LRRC7: variants seen among roughly 807,000 people sequenced by gnomAD.
LRRC7 encodes the protein leucine rich repeat containing 7.
In LRRC7, 23 loss-of-function variants were observed where a neutral mutation model predicts 175.7. The ratio of observed to expected loss-of-function variants is 0.13; its 90% CI spans 0.09 to 0.19. The LOEUF (loss-of-function observed/expected upper bound fraction) is 0.19. LRRC7 is among the 10% of genes least tolerant of loss of function. The pLI is 1.00. For synonymous variants in LRRC7, 685 were observed against 680.9 expected (o/e 1.01, Z -0.09); for missense variants, 1,354 against 1,904.7 (o/e 0.71, Z 5.38).
At chr1:69,733,904 C>A (rs1422298764) in intron 2 of LRRC7, among the ~76,000 whole-genome samples, 1 of 152,036 alleles carries the variant, frequency 6.6e-6, no homozygotes, top group East Asian at 1.9e-4. Context: ...CACCCACCAA[C>A]CAACTCAGCT....
intron 1 of LRRC7, among the ~76,000 whole-genome samples, chr1:69,615,522 A>T (rs531063131): frequency 6.6e-6 from 1 of 152,214 alleles, no homozygotes; most frequent in South Asian, 2.1e-4. Context: ...CAATGCCAAC[A>T]GCTTTCTACT....
At chr1:69,957,244 T>C (rs989525615) in intron 8 of LRRC7, among the ~76,000 whole-genome samples, 3 of 151,890 alleles carry the variant, frequency 2.0e-5, no homozygotes, top group Admixed American at 2.0e-4. Context: ...ATTTTTATTA[T>C]GACTTGGTTC....
intron 8 of LRRC7, among the ~76,000 whole-genome samples, chr1:69,952,416 T>C (rs116212131): frequency 0.012 from 1,901 of 152,180 alleles, 36 homozygotes; most frequent in African/African-American, 0.043. Flanking sequence ...GTTCTAACAA[T>C]TCTCTTCCAC....
intron 1 of LRRC7, among the ~76,000 whole-genome samples, chr1:69,665,653 T>A (rs1044998699): frequency 7.9e-5 from 12 of 152,088 alleles, no homozygotes; most frequent in African/African-American, 2.7e-4. Context: ...AGGATACTAC[T>A]GATTTTGTAT....
At chr1:69,902,969 T>C (rs979992679) in intron 7 of LRRC7, among the ~76,000 whole-genome samples, 4 of 152,240 alleles carry the variant, frequency 2.6e-5, no homozygotes, top group Non-Finnish European at 4.4e-5. Context: ...TTACCCATTG[T>C]TATTTTTATT....
chr1:70,062,406 A>G lies in LRRC7; in HGVS notation c.4230+9261A>G, dbSNP rs974063846. Among the ~76,000 whole-genome samples, 8 of 152,156 alleles carry G rather than the reference A, an allele frequency of 5.3e-5. No homozygotes were observed. In the East Asian group the frequency reaches 1.3e-3, roughly 26 times the overall value. On this transcript the variant is annotated intron_variant, in intron 23 of 26. Coordinates refer to ENST00000651989, the MANE Select transcript of LRRC7 (RefSeq NM_001370785.2). ...AATTCCATATACTCTTTTAAAACAT[A>G]TGCTAATTTATATATTATCATATTA...
At chr1:70,045,128 A>G (rs1660226888) in intron 22 of LRRC7, among the ~76,000 whole-genome samples, 1 of 152,076 alleles carries the variant, frequency 6.6e-6, no homozygotes, top group Admixed American at 6.6e-5. Flanking sequence ...TAACAAAATC[A>G]AGAAGACATT....
intron 3 of LRRC7, among the ~76,000 whole-genome samples, chr1:69,786,720 A>G (rs565124803): frequency 2.0e-5 from 3 of 152,232 alleles, no homozygotes; most frequent in South Asian, 2.1e-4. Context: ...CAAAAACAAC[A>G]CAGGAAAGAC....
chr1:69,928,190 CGT>C (rs1043320222), intron 7 of LRRC7, among the ~76,000 whole-genome samples: 9 of 152,052 alleles, frequency 5.9e-5, no homozygotes, highest in Non-Finnish European at 5.9e-5. Flanking sequence ...AGTACCCGGC[CGT>C]GTGAGGTGTC....
At position 70,135,333 on chromosome 1, in the gene LRRC7, A is replaced by G. The variant is rs1230609105; in HGVS notation, c.*13446A>G. Among the ~76,000 whole-genome samples, 6 of 151,890 alleles carry G rather than the reference A, an allele frequency of 4.0e-5. No individual in the cohort carries two copies. Among genetic ancestry groups the G allele is most frequent in the South Asian group, 4.2e-4 (2 of 4,804 alleles). ...TGTGGCTTATTCTTTTCACTTTTTT[A>G]CCCATCTCCGTGCCATACTGTAGAA... is the stretch of plus-strand genomic sequence containing the variant. On this transcript the variant is annotated 3_prime_UTR_variant, in exon 27 of 27. Transcript: ENST00000651989.
rs1666667050 is a variant in LRRC7, at chr1:70,131,634, T to C, written c.*9747T>C. ...CTATCAAGTTAATTATGTCTTCTTC[T>C]CATAAAATTTTTGATTTAGAAAGAT... On this transcript the variant is annotated 3_prime_UTR_variant, in exon 27 of 27. Coordinates refer to ENST00000651989, the MANE Select transcript of LRRC7 (RefSeq NM_001370785.2). 6.6e-6 allele frequency among the ~76,000 whole-genome samples: 1 copy of C among 152,208 alleles called. No individual in the cohort carries two copies. The highest frequency in any genetic ancestry group is 1.5e-5 in the Non-Finnish European group (1 of 68,026).
chr1:69,778,321 A>T (rs930935290), intron 3 of LRRC7, among the ~76,000 whole-genome samples: 26 of 152,214 alleles, frequency 1.7e-4, no homozygotes, highest in Admixed American at 4.6e-4. Flanking sequence ...GGTGGAGAAG[A>T]AAGACACTAA....
At chr1:70,022,333 C>G (rs1166324361) in intron 16 of LRRC7, 1 of 152,124 alleles carries the variant, frequency 6.6e-6, no homozygotes, top group Non-Finnish European at 1.5e-5. Flanking sequence ...GCATTCTATA[C>G]CGGACTTCTG....
At chr1:69,603,587 A>G (rs12749427) in intron 1 of LRRC7, among the ~76,000 whole-genome samples, 13,079 of 152,236 alleles carry the variant, frequency 0.086, 648 homozygotes, top group Middle Eastern at 0.11. Flanking sequence ...ATATTATACA[A>G]ATAGGATATC....
chr1:69,760,666 A>C (rs955409001), intron 3 of LRRC7, among the ~76,000 whole-genome samples: 2 of 151,968 alleles, frequency 1.3e-5, no homozygotes, highest in African/African-American at 4.8e-5. Context: ...CTCTATAAAA[A>C]TATAGAGTAG....
At chr1:69,887,968 T>C (rs1478345001) in intron 7 of LRRC7, among the ~76,000 whole-genome samples, 1 of 138,242 alleles carries the variant, frequency 7.2e-6, no homozygotes, top group Non-Finnish European at 1.6e-5. Context: ...GGAGGCAGTC[T>C]GCCCGTTCTC....
intron 2 of LRRC7, among the ~76,000 whole-genome samples, chr1:69,707,578 A>T (rs896653495): frequency 6.6e-6 from 1 of 152,194 alleles, no homozygotes; most frequent in Admixed American, 6.5e-5. Context: ...GGCAGGGGAA[A>T]CCAACCTGAT....
chr1:69,916,280 TCA>T (rs1646714112), intron 7 of LRRC7, among the ~76,000 whole-genome samples: 1 of 134,126 alleles, frequency 7.5e-6, no homozygotes, highest in African/African-American at 2.7e-5. Context: ...TAAATATATA[TCA>T]TATATATTAT....
At chr1:69,772,369 G>C (rs1222991942) in intron 3 of LRRC7, among the ~76,000 whole-genome samples, 1 of 152,118 alleles carries the variant, frequency 6.6e-6, no homozygotes, top group Non-Finnish European at 1.5e-5. Flanking sequence ...GGTGTGTAAA[G>C]AATGAAGGGA....
Sources: gnomAD v4.1 joint callset for allele counts (sites outside exome capture counted in the v4.1 genomes callset) on GRCh38, gnomAD v4.1.1 for gene constraint, MANE v1.5 for transcripts, NCBI Gene and HGNC (gene_info 2026-07-23, HGNC 2026-07-21) for gene names.